The following NSL1 variants were observed in gnomAD, a reference collection of about 807,000 sequenced individuals.
NSL1 encodes the protein NSL1 component of MIS12 kinetochore complex.
NSL1 carries 11 observed loss-of-function variants against 25.4 expected under a neutral mutation model. The observed-to-expected ratio is 0.43, with a 90% CI of 0.27 to 0.72. The LOEUF (loss-of-function observed/expected upper bound fraction) is 0.72. Ranked by LOEUF, NSL1 falls within the 30% of genes least tolerant of loss-of-function variation. NSL1 has a pLI of 0.19. For synonymous variants in NSL1, 118 were observed against 120.6 expected, an observed-to-expected ratio of 0.98 and a Z score of 0.14; for missense variants, 330 against 342.7, an observed-to-expected ratio of 0.96 and a Z score of 0.29.
intron 4 of NSL1, among the ~76,000 whole-genome samples, chr1:212,766,005 G>A (rs1424546950): frequency 4.6e-5 from 7 of 151,396 alleles, no homozygotes; most frequent in South Asian, 4.2e-4. Flanking sequence ...GCGTGGTGGC[G>A]GGTGCCTGTA....
At chr1:212,785,466 A>G (rs1660903115) in intron 2 of NSL1, among the ~76,000 whole-genome samples, 1 of 152,010 alleles carries the variant, frequency 6.6e-6, no homozygotes, top group African/African-American at 2.4e-5. Flanking sequence ...CATTAGATAT[A>G]TCTCCTAATG....
Position 212,738,453 on chromosome 1 carries a change from T to C in NSL1, c.801A>G (p.Arg267=), listed in dbSNP as rs200985514. Residue 267 remains arginine (R), a synonymous_variant, in exon 6 of 6, where the codon AGA becomes AGG. Transcript: ENST00000366977. ...KRKQTKDCPQ[R]KWYPLRPKKI... is the part of the protein sequence containing the mutation. Reference sequence around the variant, plus strand: ...TCTTTGGCCGCAATGGATACCATTTTCTCTGGGGGCAGTCTTTAGTTTGCT... The same window carrying C: ...TCTTTGGCCGCAATGGATACCATTTCCTCTGGGGGCAGTCTTTAGTTTGCT... 2.5e-6 allele frequency: 4 copies of C among 1,613,786 alleles called. No homozygotes were observed. Among genetic ancestry groups the C allele is most frequent in the East Asian group, 4.5e-5 (2 of 44,892 alleles).
intron 4 of NSL1, among the ~76,000 whole-genome samples, chr1:212,755,032 A>AT (rs1659241301): frequency 6.6e-6 from 1 of 152,166 alleles, no homozygotes. Context: ...TGGTAGACAG[A>AT]TATGCACATG....
intron 4 of NSL1, among the ~76,000 whole-genome samples, chr1:212,780,549 TTTTA>T (rs1422498571): frequency 2.7e-5 from 4 of 148,156 alleles, no homozygotes; most frequent in East Asian, 3.9e-4. Flanking sequence ...TTCAAAGACA[TTTTA>T]TATCACTTAA....
At position 212,747,399 on chromosome 1, in the gene NSL1, C is replaced by T. The variant is rs575131679; in HGVS notation, c.500-7798G>A. Among the ~76,000 whole-genome samples the T allele has an allele frequency of 2.8e-4, 42 of 152,304 alleles. No homozygotes were observed. The South Asian group carries it at 6.4e-3, about 23-fold the overall frequency. On this transcript the variant is annotated intron_variant, in intron 4 of 5. Coordinates refer to ENST00000366977, the MANE Select transcript of NSL1 (RefSeq NM_015471.4). ...TGTTACAGAAGCTTATGGAGAGGCC[C>T]ACGTTGTAAGGAACTAAAGTCTCTA...
intron 4 of NSL1, among the ~76,000 whole-genome samples, chr1:212,779,771 G>A (rs867776047): frequency 5.3e-4 from 63 of 118,940 alleles, no homozygotes; most frequent in Admixed American, 1.4e-3. Flanking sequence ...CGCCCCGTCC[G>A]GGAGGGAGGT....
Position 212,727,969 on chromosome 1 carries a change from C to CT in NSL1, c.*10438dup, listed in dbSNP as rs1657855053. On this transcript the variant is annotated 3_prime_UTR_variant, in exon 6 of 6. Coordinates refer to ENST00000366977, the MANE Select transcript of NSL1 (RefSeq NM_015471.4). ...GAGCGTCTGAGACTCTGGACAAGGC[C>CT]TTTGCTGTGAACCACGGGGAGAAGG... 2.0e-6 allele frequency: 2 copies of CT among 985,400 alleles called. No individual in the cohort carries two copies. The highest frequency in any genetic ancestry group is 3.5e-5 in the African/African-American group (2 of 57,356). 61.0% of individuals were successfully genotyped at this position (985,400 alleles called of 1,614,324 possible).
At position 212,731,416 on chromosome 1, in the gene NSL1, G is replaced by T; in HGVS notation, c.*6992C>A. 1.3e-5 allele frequency: 13 copies of T among 985,172 alleles called. No homozygotes were observed. The highest frequency in any genetic ancestry group is 1.6e-5 in the Non-Finnish European group (13 of 829,790). The allele number at this position is 985,172 out of a possible 1,614,324, so 61.0% of individuals were successfully genotyped here. On this transcript the variant is annotated 3_prime_UTR_variant, in exon 6 of 6. Transcript: ENST00000366977. ...AAAACAAATAAACTAGCCGGGCATG[G>T]TGGCACACGCCTGTTTTGAAACCCT...
At position 212,784,352 on chromosome 1, in the gene NSL1, A is replaced by T; in HGVS notation, c.444+11T>A. Reference sequence around the variant, plus strand: ...AATATACTATAACATTTTAAAGGCAAATCATCTTACCAGAATTTCTTGTTT... The same window carrying T: ...AATATACTATAACATTTTAAAGGCATATCATCTTACCAGAATTTCTTGTTT... On this transcript the variant is annotated intron_variant, in intron 3 of 5. Coordinates refer to ENST00000366977, the MANE Select transcript of NSL1 (RefSeq NM_015471.4). 1 of 1,555,558 alleles carries T rather than the reference A, an allele frequency of 6.4e-7. No individual in the cohort carries two copies. The highest frequency in any genetic ancestry group is 8.7e-7 in the Non-Finnish European group (1 of 1,143,446).
chr1:212,754,302 C>CTGCA (rs1659197797), intron 4 of NSL1, among the ~76,000 whole-genome samples: 1 of 152,050 alleles, frequency 6.6e-6, no homozygotes, highest in East Asian at 1.9e-4. Context: ...AGAGAAAAAG[C>CTGCA]TGCAAGTCAG....
intron 4 of NSL1, among the ~76,000 whole-genome samples, chr1:212,778,928 A>G (rs1282346185): frequency 4.7e-4 from 57 of 122,196 alleles, no homozygotes; most frequent in Admixed American, 8.5e-4. Flanking sequence ...GTCTCTGCCC[A>G]GCCGCCATCC....
chr1:212,769,980 G>A (rs1660025617), intron 4 of NSL1, among the ~76,000 whole-genome samples: 1 of 151,980 alleles, frequency 6.6e-6, no homozygotes, highest in Non-Finnish European at 1.5e-5. Flanking sequence ...AACACATACA[G>A]ACTAAAAGTG....
At chr1:212,761,476 CA>C (rs1404185073) in intron 4 of NSL1, among the ~76,000 whole-genome samples, 1 of 152,016 alleles carries the variant, frequency 6.6e-6, no homozygotes, top group African/African-American at 2.4e-5. Context: ...CTTGCCTTTA[CA>C]AAAAACACAA....
intron 4 of NSL1, among the ~76,000 whole-genome samples, chr1:212,757,379 A>G (rs1282010186): frequency 1.3e-5 from 2 of 152,208 alleles, no homozygotes; most frequent in Non-Finnish European, 2.9e-5. Context: ...ATGCTGTGTG[A>G]AAAGTAGAAC....
intron 4 of NSL1, among the ~76,000 whole-genome samples, chr1:212,750,840 C>T (rs1167975820): frequency 6.6e-6 from 1 of 151,992 alleles, no homozygotes; most frequent in African/African-American, 2.4e-5. Context: ...ACTAGGGAGG[C>T]TGAGGTGGGA....
Position 212,736,935 on chromosome 1 carries a change from A to T in NSL1, c.*1473T>A. ...CAAGTAGCTTATATAATCTAATAGAATTAACAATAACTCTTTTGTTTGGGG... is the reference window on the plus strand; with the variant it reads ...CAAGTAGCTTATATAATCTAATAGATTTAACAATAACTCTTTTGTTTGGGG... On this transcript the variant is annotated 3_prime_UTR_variant, in exon 6 of 6. Transcript: ENST00000366977. 1 of 983,818 alleles carries T rather than the reference A, an allele frequency of 1.0e-6. No homozygotes were observed. The highest frequency in any genetic ancestry group is 1.2e-6 in the Non-Finnish European group (1 of 828,424). The allele number at this position is 983,818 out of a possible 1,614,324, so 60.9% of individuals were successfully genotyped here.
chr1:212,764,876 GAAAGA>G (rs1659733646), intron 4 of NSL1, among the ~76,000 whole-genome samples: 7 of 85,608 alleles, frequency 8.2e-5, no homozygotes, highest in African/African-American at 1.4e-4. Context: ...AAAAAAGAAA[GAAAGA>G]AAAAAAAAAG....
rs982924638 is a variant in NSL1, at chr1:212,737,530, C to T, written c.*878G>A. On this transcript the variant is annotated 3_prime_UTR_variant, in exon 6 of 6. Transcript: ENST00000366977. ...TAAATGTTAGAAGTAAAGCCAATAT[C>T]GTTTTCTCAGACTTCTCCCAGTGAT... 23 of 980,586 alleles carry T rather than the reference C, an allele frequency of 2.3e-5. No homozygotes were observed. The highest frequency in any genetic ancestry group is 2.8e-5 in the Non-Finnish European group (23 of 825,614). The allele number at this position is 980,586 out of a possible 1,614,324, so 60.7% of individuals were successfully genotyped here.
chr1:212,751,090 A>T (rs952446602), intron 4 of NSL1, among the ~76,000 whole-genome samples: 4 of 152,246 alleles, frequency 2.6e-5, no homozygotes, highest in African/African-American at 9.6e-5. Flanking sequence ...TAGTCATAAA[A>T]ATACAAATAT....
Sources: gnomAD v4.1 joint callset for allele counts (sites outside exome capture counted in the v4.1 genomes callset) on GRCh38, gnomAD v4.1.1 for gene constraint, MANE v1.5 for transcripts, NCBI Gene and HGNC (gene_info 2026-07-23, HGNC 2026-07-21) for gene names.